Variants in SNAP23 observed in about 807,000 individuals in gnomAD.
SNAP23 encodes the protein synaptosome associated protein 23.
In SNAP23, 11 loss-of-function variants were observed where a neutral mutation model predicts 29.0. The observed-to-expected ratio is 0.38, with a 90% CI of 0.24 to 0.63. The LOEUF (loss-of-function observed/expected upper bound fraction) is 0.63, where lower values mean the gene tolerates loss of function less well. Ranked by LOEUF, SNAP23 falls within the 20% of genes least tolerant of loss-of-function variation. The probability of loss-of-function intolerance (pLI) is 0.58; values close to 1 mark genes in which losing one functional copy is unlikely to be tolerated. For missense variants in SNAP23, 220 were observed against 253.9 expected (o/e 0.87, Z 0.91); for synonymous variants, 60 against 82.9 (o/e 0.72, Z 1.50).
intron 5 of SNAP23, among the ~76,000 whole-genome samples, chr15:42,525,488 G>A (rs2057494552): frequency 3.7e-5 from 1 of 26,696 alleles, no homozygotes; most frequent in Non-Finnish European, 1.0e-4. Context: ...TTTTGAGACG[G>A]AGTCTCACTC....
At chr15:42,500,679 C>A (rs1040660075) in intron 1 of SNAP23, among the ~76,000 whole-genome samples, 7 of 151,582 alleles carry the variant, frequency 4.6e-5, no homozygotes, top group Non-Finnish European at 1.0e-4. Flanking sequence ...CATGAGCCAC[C>A]TCACCCGGCC....
Position 42,532,928 on chromosome 15 carries a change from G to A in SNAP23, c.*1450G>A, listed in dbSNP as rs2057580042. Reference sequence around the variant, plus strand: ...CAAGTTGATGTGGATCCTGAAAAGTGTTATGAACATCTGATTGGTATTTGT... The same window carrying A: ...CAAGTTGATGTGGATCCTGAAAAGTATTATGAACATCTGATTGGTATTTGT... On this transcript the variant is annotated 3_prime_UTR_variant, in exon 8 of 8. Coordinates refer to ENST00000249647, the MANE Select transcript of SNAP23 (RefSeq NM_003825.4). 1 of 152,612 alleles carries A rather than the reference G, an allele frequency of 6.6e-6. No homozygotes were observed. Among genetic ancestry groups the A allele is most frequent in the Non-Finnish European group, 1.5e-5 (1 of 68,030 alleles). The allele number at this position is 152,612 out of a possible 1,614,324, so 9.5% of individuals were successfully genotyped here.
intron 1 of SNAP23, among the ~76,000 whole-genome samples, chr15:42,498,275 C>T (rs1282865160): frequency 6.6e-6 from 1 of 152,210 alleles, no homozygotes; most frequent in Non-Finnish European, 1.5e-5. Flanking sequence ...AGCAGAGGTT[C>T]TCCATGAGGT....
At chr15:42,530,166 G>T (rs1174897033) in intron 7 of SNAP23, among the ~76,000 whole-genome samples, 1 of 151,960 alleles carries the variant, frequency 6.6e-6, no homozygotes, top group Non-Finnish European at 1.5e-5. Flanking sequence ...TTGCTCTGTC[G>T]CCTAGGGTAG....
At chr15:42,493,545 C>G (rs1355231772), upstream of SNAP23, among the ~76,000 whole-genome samples, 9 of 152,030 alleles carry the variant, frequency 5.9e-5, no homozygotes. Flanking sequence ...CAATGACCAT[C>G]ACAACCCTAA....
Position 42,511,886 on chromosome 15 carries a change from C to T in SNAP23, c.40C>T (p.His14Tyr), listed in dbSNP as rs752740298. ...ATCAGAAGAAATTCAACAGAGAGCT[C>T]ACCAGATTACTGATGAGGTAAATGT... ...LSSEEIQQRA[H>Y]QITDESLEST... The change falls in exon 2 of 8, where the codon CAC (histidine) becomes TAC (tyrosine). Residue 14 changes from histidine to tyrosine, a missense_variant. Physicochemically the swap from His to Tyr is moderately conservative, Grantham distance 83. Transcript: ENST00000249647. 29 of 1,595,492 alleles carry T rather than the reference C, an allele frequency of 1.8e-5. No individual in the cohort carries two copies. The South Asian group carries it at 2.4e-4, about 13-fold the overall frequency.
upstream of SNAP23, chr15:42,493,012 T>C (rs2057187161): frequency 6.6e-6 from 1 of 152,228 alleles, no homozygotes; most frequent in South Asian, 2.1e-4. Context: ...TTGGAACATA[T>C]ACTTTTTTGT....
chr15:42,521,082 C>T (rs747160715), intron 5 of SNAP23, among the ~76,000 whole-genome samples: 2 of 152,190 alleles, frequency 1.3e-5, no homozygotes, highest in Non-Finnish European at 2.9e-5. Context: ...ACCTCTGGCC[C>T]TGCCTGTTTT....
rs1005825865 is a variant in SNAP23 at position 42,527,133 on chromosome 15, C to T, written c.267-1129C>T. ...GATTACCGGTGTGAGCTACTGTGCC[C>T]GGCCTTGATCGTTTTTTTAAAGAGG... On this transcript the variant is annotated intron_variant, in intron 5 of 7. Coordinates refer to ENST00000249647, the MANE Select transcript of SNAP23 (RefSeq NM_003825.4). 5.3e-5 allele frequency among the ~76,000 whole-genome samples: 8 copies of T among 152,146 alleles called. No individual in the cohort carries two copies. The East Asian group carries it at 1.2e-3, about 22-fold the overall frequency.
chr15:42,506,873 C>A (rs1028304426), intron 1 of SNAP23, among the ~76,000 whole-genome samples: 1 of 151,234 alleles, frequency 6.6e-6, no homozygotes, highest in Non-Finnish European at 1.5e-5. Context: ...GGCTAGAGCA[C>A]AGTGATGCCA....
At chr15:42,492,230 C>T (rs1342047720), upstream of SNAP23, among the ~76,000 whole-genome samples, 1 of 151,990 alleles carries the variant, frequency 6.6e-6, no homozygotes, top group African/African-American at 2.4e-5. Context: ...TATTATTAAA[C>T]TTAGCCCATA....
intron 7 of SNAP23, 57 bp downstream of exon 7, chr15:42,529,876 T>C (rs2057545643): frequency 6.4e-7 from 1 of 1,572,958 alleles, no homozygotes; most frequent in Non-Finnish European, 8.7e-7. Flanking sequence ...GTTTCAGTAA[T>C]AGACATCTGT....
upstream of SNAP23, among the ~76,000 whole-genome samples, chr15:42,494,395 CTTT>C (rs775698216): frequency 3.0e-5 from 4 of 133,960 alleles, no homozygotes; most frequent in Admixed American, 7.5e-5. Flanking sequence ...CCTTGAAGCA[CTTT>C]TTTTTTTTTT....
intron 3 of SNAP23, 33 bp downstream of exon 3, chr15:42,513,029 G>A (rs2057369211): frequency 8.1e-6 from 12 of 1,472,860 alleles, no homozygotes; most frequent in Non-Finnish European, 1.1e-5. Flanking sequence ...CTTAAGTATA[G>A]AAATTTATAG....
chr15:42,529,150 C>T (rs539856040), intron 6 of SNAP23, among the ~76,000 whole-genome samples: 1 of 152,138 alleles, frequency 6.6e-6, no homozygotes, highest in African/African-American at 2.4e-5. Context: ...TTAAAGCAGG[C>T]ATAAACAATA....
intron 1 of SNAP23, among the ~76,000 whole-genome samples, chr15:42,503,411 C>G (rs1250587465): frequency 2.0e-5 from 3 of 150,162 alleles, no homozygotes; most frequent in Non-Finnish European, 4.4e-5. Flanking sequence ...ACTCCGTTGC[C>G]CAGGCTGGAG....
Position 42,532,692 on chromosome 15 carries a change from G to T in SNAP23, c.*1214G>T, listed in dbSNP as rs1479294330. On this transcript the variant is annotated 3_prime_UTR_variant, in exon 8 of 8. Coordinates refer to ENST00000249647, the MANE Select transcript of SNAP23 (RefSeq NM_003825.4). ...CACATGAATTCAGATTTACCTCAAT[G>T]CTAAGAATTATGTTTAGTTAGGAAA... is the stretch of plus-strand genomic sequence containing the variant. The T allele has an allele frequency of 1.3e-5, 2 of 152,612 alleles. No individual in the cohort carries two copies. The highest frequency in any genetic ancestry group is 2.9e-5 in the Non-Finnish European group (2 of 68,038). 9.5% of individuals were successfully genotyped at this position (152,612 alleles called of 1,614,324 possible). A position where few individuals can be genotyped will look rare whatever the true frequency, so the allele number is the denominator to read the frequency against.
At chr15:42,530,339 G>A (rs1197729985) in intron 7 of SNAP23, among the ~76,000 whole-genome samples, 2 of 152,194 alleles carry the variant, frequency 1.3e-5, no homozygotes, top group Non-Finnish European at 2.9e-5. Flanking sequence ...TTCTTATGGA[G>A]TGGACACACG....
At chr15:42,522,807 C>A (rs2057460445) in intron 5 of SNAP23, among the ~76,000 whole-genome samples, 1 of 140,626 alleles carries the variant, frequency 7.1e-6, no homozygotes. Context: ...CCTGAATTGA[C>A]TAAGGGATAT....
Sources: gnomAD v4.1 joint callset for allele counts (sites outside exome capture counted in the v4.1 genomes callset) on GRCh38, gnomAD v4.1.1 for gene constraint, MANE v1.5 for transcripts, NCBI Gene and HGNC (gene_info 2026-07-23, HGNC 2026-07-21) for gene names.